WNT5A: variants seen among roughly 807,000 people sequenced by gnomAD.
The protein encoded by WNT5A is protein Wnt-5a.
Under a neutral mutation model 42.1 loss-of-function variants are expected in WNT5A, and 9 were observed. That is an observed-to-expected ratio of 0.21 (90% CI 0.13 to 0.37). The LOEUF (loss-of-function observed/expected upper bound fraction) is 0.37, where lower values mean the gene tolerates loss of function less well. WNT5A is among the 10% of genes least tolerant of loss of function. The probability of loss-of-function intolerance (pLI) is 1.00; values close to 1 mark genes in which losing one functional copy is unlikely to be tolerated. For missense variants in WNT5A, 426 were observed against 534.0 expected (o/e 0.80, Z 1.99); for synonymous variants, 210 against 210.0 (o/e 1.00, Z 0.00).
intron 3 of WNT5A, among the ~76,000 whole-genome samples, chr3:55,475,257 T>G (rs1559554544): frequency 6.6e-6 from 1 of 152,220 alleles, no homozygotes; most frequent in Admixed American, 6.5e-5. Context: ...ACACTTATTT[T>G]AATATTAAGT....
the WNT5A span, among the ~76,000 whole-genome samples, chr3:55,502,401 A>T: frequency 6.6e-6 from 1 of 152,198 alleles, no homozygotes; most frequent in Non-Finnish European, 1.5e-5. Flanking sequence ...TTTTTTCAAA[A>T]ATCAAACACT....
chr3:55,481,745 C>A (rs2051469724), intron 1 of WNT5A, among the ~76,000 whole-genome samples: 1 of 152,062 alleles, frequency 6.6e-6, no homozygotes, highest in Admixed American at 6.5e-5. Context: ...AGAGTGCCAC[C>A]CTCGCCCGCG....
chr3:55,470,626 T>C, intron 4 of WNT5A, 76 bp from the exon 5 acceptor site: 1 of 1,321,472 alleles, frequency 7.6e-7, no homozygotes, highest in Middle Eastern at 1.9e-4. Flanking sequence ...AAAGTTCTCC[T>C]CGACCTTCTC....
intron 1 of WNT5A, chr3:55,481,213 C>T: frequency 2.3e-6 from 2 of 851,460 alleles, no homozygotes; most frequent in South Asian, 5.3e-5. Context: ...GCGCTGCCTC[C>T]TTCCTGCTCG....
At chr3:55,472,454 G>A (rs2051269646) in intron 4 of WNT5A, among the ~76,000 whole-genome samples, 1 of 152,200 alleles carries the variant, frequency 6.6e-6, no homozygotes, top group Admixed American at 6.5e-5. Flanking sequence ...CACTGGGCAT[G>A]TCATATATAG....
At chr3:55,495,765 C>T in the WNT5A span, among the ~76,000 whole-genome samples, 1,422 of 152,316 alleles carry the variant, frequency 9.3e-3, 13 homozygotes, top group Non-Finnish European at 0.011. Context: ...TCTAAGGAAC[C>T]TCCATGCTGT....
chr3:55,490,786 C>G (rs552757257), upstream of WNT5A, among the ~76,000 whole-genome samples: 2 of 152,228 alleles, frequency 1.3e-5, no homozygotes, highest in African/African-American at 4.8e-5. Flanking sequence ...GCTAGGAATA[C>G]TCTTCACTGA....
chr3:55,476,970 GA>G (rs2051368885), intron 3 of WNT5A, among the ~76,000 whole-genome samples: 1 of 152,218 alleles, frequency 6.6e-6, no homozygotes, highest in Admixed American at 6.5e-5. Context: ...GGCCCTTCAT[GA>G]AGTAATTGTG....
chr3:55,470,743 T>C (rs1305632302), intron 4 of WNT5A, among the ~76,000 whole-genome samples, 193 bp from the exon 5 acceptor site: 2 of 152,230 alleles, frequency 1.3e-5, no homozygotes, highest in Non-Finnish European at 2.9e-5. Context: ...AATATGTTCT[T>C]AACCACTCAT....
At chr3:55,475,348 C>T (rs573677651) in intron 3 of WNT5A, among the ~76,000 whole-genome samples, 25 of 152,166 alleles carry the variant, frequency 1.6e-4, no homozygotes, top group Non-Finnish European at 3.5e-4. Context: ...CTGCCAGCGG[C>T]CACACTAGTT....
chr3:55,503,961 G>A, the WNT5A span, among the ~76,000 whole-genome samples: 134 of 151,792 alleles, frequency 8.8e-4, no homozygotes, highest in African/African-American at 3.0e-3. Context: ...ACAAACAAAC[G>A]AACAAAAAAC....
At chr3:55,486,911 A>T in intron 1 of WNT5A, 69 bp downstream of exon 1, 1 of 1,120,126 alleles carries the variant, frequency 8.9e-7, no homozygotes, top group Non-Finnish European at 1.4e-6. Flanking sequence ...GGCGAAGGGA[A>T]CTCAGTTAAC....
At chr3:55,503,440 C>T in the WNT5A span, among the ~76,000 whole-genome samples, 1 of 152,166 alleles carries the variant, frequency 6.6e-6, no homozygotes, top group Non-Finnish European at 1.5e-5. Context: ...CACAGAGAGA[C>T]TGAATAACTG....
the WNT5A span, among the ~76,000 whole-genome samples, chr3:55,504,982 C>A: frequency 2.0e-5 from 3 of 151,392 alleles, no homozygotes; most frequent in African/African-American, 7.3e-5. Context: ...CTGCTTTCAC[C>A]CAGTAGGCTG....
At chr3:55,496,026 T>G in the WNT5A span, among the ~76,000 whole-genome samples, 1 of 152,194 alleles carries the variant, frequency 6.6e-6, no homozygotes, top group African/African-American at 2.4e-5. Flanking sequence ...AACATAGAAA[T>G]TTTACGTTTT....
At chr3:55,471,859 G>C (rs71309916) in intron 4 of WNT5A, among the ~76,000 whole-genome samples, 16,103 of 152,256 alleles carry the variant, frequency 0.11, 1,141 homozygotes, top group Non-Finnish European at 0.15. Context: ...GCATCAGAAG[G>C]CCTCTTCCGC....
At position 55,466,896 on chromosome 3, in the gene WNT5A, TG is replaced by T. The variant is rs71619898; in HGVS notation, c.*3195del. ...GTTTTTTTGTGGAATAATGCATTCTTGGCATCCTTAAAAGGTTTCAATATGT... is the reference window on the plus strand; with the variant it reads ...GTTTTTTTGTGGAATAATGCATTCTTGCATCCTTAAAAGGTTTCAATATGT... On this transcript the variant is annotated 3_prime_UTR_variant, in exon 5 of 5. Coordinates refer to ENST00000264634, the MANE Select transcript of WNT5A (RefSeq NM_003392.7). 0.1 allele frequency: 15,906 copies of T among 152,624 alleles called. 1,137 individuals are homozygous for T. The highest frequency in any genetic ancestry group is 0.15 in the Non-Finnish European group (10,020 of 68,014). The allele number at this position is 152,624 out of a possible 1,614,324, so 9.5% of individuals were successfully genotyped here.
rs778251605 is a variant in WNT5A at position 55,467,693 on chromosome 3, A to G, written c.*2399T>C. ...CAAATCACGCAAGACAGAAATATGT[A>G]CATTAAAAGTACAGAATAAAGGCTA... On this transcript the variant is annotated 3_prime_UTR_variant, in exon 5 of 5. Transcript: ENST00000264634. 4.6e-5 allele frequency: 7 copies of G among 152,632 alleles called. No homozygotes were observed. The highest frequency in any genetic ancestry group is 1.9e-4 in the East Asian group (1 of 5,190). The allele number at this position is 152,632 out of a possible 1,614,324, so 9.5% of individuals were successfully genotyped here.
chr3:55,488,714 G>A (rs545905245), upstream of WNT5A, among the ~76,000 whole-genome samples: 1 of 152,150 alleles, frequency 6.6e-6, no homozygotes, highest in Non-Finnish European at 1.5e-5. Flanking sequence ...CTGCCGCCTG[G>A]TTGTCTGCGC....
Sources: allele counts gnomAD v4.1 joint callset (sites outside exome capture counted in the v4.1 genomes callset), GRCh38; gene constraint gnomAD v4.1.1; transcripts MANE v1.5; gene names NCBI Gene and HGNC (gene_info 2026-07-23, HGNC 2026-07-21).